FRMD6: variants seen among roughly 807,000 people sequenced by gnomAD.
FRMD6 encodes FERM domain containing 6, also known as FERM domain-containing protein 6.
FRMD6 carries 37 observed loss-of-function variants against 73.2 expected under a neutral mutation model. The ratio of observed to expected loss-of-function variants is 0.51; its 90% CI spans 0.39 to 0.66. FRMD6 has a LOEUF of 0.66. FRMD6 is among the 30% of genes least tolerant of loss of function. The probability of loss-of-function intolerance (pLI) is 0.00; values close to 1 mark genes in which losing one functional copy is unlikely to be tolerated. For missense variants in FRMD6, 714 were observed against 780.5 expected (o/e 0.91, Z 1.02); for synonymous variants, 273 against 282.2 (o/e 0.97, Z 0.33).
chr14:51,444,361 G>C, the FRMD6 span, among the ~76,000 whole-genome samples: 2 of 152,222 alleles, frequency 1.3e-5, no homozygotes, highest in African/African-American at 4.8e-5. Context: ...GACTACCTGG[G>C]TCTGGGAGGT....
intron 2 of FRMD6, among the ~76,000 whole-genome samples, chr14:51,623,962 T>C (rs1314123556): frequency 1.3e-5 from 2 of 152,298 alleles, no homozygotes; most frequent in African/African-American, 2.4e-5. Flanking sequence ...TGGAATACTA[T>C]GCAGCCGTAA....
intron 2 of FRMD6, among the ~76,000 whole-genome samples, chr14:51,607,650 A>G (rs1890317236): frequency 6.6e-6 from 1 of 152,226 alleles, no homozygotes; most frequent in South Asian, 2.1e-4. Context: ...TCCAGTCTGC[A>G]CGCTTTGTTG....
the FRMD6 span, among the ~76,000 whole-genome samples, chr14:51,447,152 G>A: frequency 6.6e-6 from 1 of 152,186 alleles, no homozygotes. Context: ...GCATGGAGTA[G>A]AAAAGCGTAA....
At chr14:51,564,059 C>T (rs1001150092) in intron 1 of FRMD6, among the ~76,000 whole-genome samples, 1 of 152,148 alleles carries the variant, frequency 6.6e-6, no homozygotes, top group African/African-American at 2.4e-5. Flanking sequence ...TCATTTATTA[C>T]AGCTCTGGTC....
At chr14:51,504,041 G>T (rs751688754) in intron 1 of FRMD6, among the ~76,000 whole-genome samples, 7 of 152,100 alleles carry the variant, frequency 4.6e-5, no homozygotes, top group Non-Finnish European at 8.8e-5. Context: ...GTATCTTCTA[G>T]TGGTTGTTTG....
the FRMD6 span, among the ~76,000 whole-genome samples, chr14:51,479,216 A>G: frequency 3.3e-5 from 5 of 152,228 alleles, no homozygotes; most frequent in Non-Finnish European, 7.3e-5. Flanking sequence ...CTTTTAGACC[A>G]TAAACTCCCC....
chr14:51,545,957 A>G (rs1886444014), intron 1 of FRMD6, among the ~76,000 whole-genome samples: 1 of 152,162 alleles, frequency 6.6e-6, no homozygotes, highest in East Asian at 1.9e-4. Context: ...GCTGAGAGAG[A>G]AAGAATTAAA....
the FRMD6 span, among the ~76,000 whole-genome samples, chr14:51,453,348 A>G: frequency 6.6e-6 from 1 of 152,078 alleles, no homozygotes; most frequent in African/African-American, 2.4e-5. Flanking sequence ...AGGTAGGGGA[A>G]GGAGCAAGAA....
intron 2 of FRMD6, among the ~76,000 whole-genome samples, chr14:51,603,947 A>C (rs1191797125): frequency 6.2e-5 from 2 of 32,196 alleles, no homozygotes; most frequent in African/African-American, 1.9e-4. Flanking sequence ...TGTGATACAA[A>C]AAAAAAAAAA....
the FRMD6 span, among the ~76,000 whole-genome samples, chr14:51,460,903 T>C: frequency 7.2e-5 from 11 of 152,224 alleles, no homozygotes; most frequent in Admixed American, 7.2e-4. Context: ...CTTTTTCATT[T>C]TTCTTTTAGT....
chr14:51,436,324 C>T, the FRMD6 span: 2 of 377,794 alleles, frequency 5.3e-6, no homozygotes, highest in South Asian at 6.0e-5. Flanking sequence ...TTTTGGGTAA[C>T]AACATTTGTT....
At chr14:51,619,838 A>T (rs1890859145) in intron 2 of FRMD6, among the ~76,000 whole-genome samples, 1 of 151,680 alleles carries the variant, frequency 6.6e-6, no homozygotes, top group Admixed American at 6.6e-5. Flanking sequence ...ACTCCATGAG[A>T]AAAAAAAGTT....
At chr14:51,677,532 C>A (rs1894476116) in intron 1 of FRMD6, among the ~76,000 whole-genome samples, 1 of 152,066 alleles carries the variant, frequency 6.6e-6, no homozygotes, top group African/African-American at 2.4e-5. Context: ...AGAAATTCAT[C>A]TTGGTTGAAA....
chr14:51,657,643 C>A (rs763631950), intron 1 of FRMD6, among the ~76,000 whole-genome samples: 2 of 152,028 alleles, frequency 1.3e-5, no homozygotes, highest in African/African-American at 2.4e-5. Context: ...GGTAGGTGAC[C>A]TTTTGATGGC....
At chr14:51,514,680 T>C (rs1884519474) in intron 1 of FRMD6, among the ~76,000 whole-genome samples, 1 of 152,088 alleles carries the variant, frequency 6.6e-6, no homozygotes, top group Non-Finnish European at 1.5e-5. Flanking sequence ...AAACCCTGTC[T>C]CTACTAAAAA....
At chr14:51,475,283 G>A in the FRMD6 span, among the ~76,000 whole-genome samples, 1 of 152,122 alleles carries the variant, frequency 6.6e-6, no homozygotes, top group Non-Finnish European at 1.5e-5. Context: ...GATATATGTG[G>A]GTCACCTAGC....
At chr14:51,406,060 A>G in the FRMD6 span, among the ~76,000 whole-genome samples, 1 of 152,154 alleles carries the variant, frequency 6.6e-6, no homozygotes, top group Admixed American at 6.5e-5. Flanking sequence ...ATGGCTAGTG[A>G]GTTATCCCAG....
At chr14:51,558,639 A>G (rs1441321385) in intron 1 of FRMD6, among the ~76,000 whole-genome samples, 1 of 152,190 alleles carries the variant, frequency 6.6e-6, no homozygotes, top group Admixed American at 6.5e-5. Flanking sequence ...TGCCTTTCCC[A>G]ATAAAATCTA....
chr14:51,494,377 G>T (rs1416646299), intron 1 of FRMD6, among the ~76,000 whole-genome samples: 1 of 152,172 alleles, frequency 6.6e-6, no homozygotes, highest in Non-Finnish European at 1.5e-5. Context: ...GCTTAGAATG[G>T]ACATTCCCAA....
Sources: allele counts gnomAD v4.1 joint callset (sites outside exome capture counted in the v4.1 genomes callset), GRCh38; gene constraint gnomAD v4.1.1; transcripts MANE v1.5; gene names NCBI Gene and HGNC (gene_info 2026-07-23, HGNC 2026-07-21).